Variants in DEPDC5 observed in about 807,000 individuals in gnomAD.
DEPDC5 encodes DEP domain containing 5, GATOR1 subcomplex subunit.
Under a neutral mutation model 217.3 loss-of-function variants are expected in DEPDC5, and 73 were observed. That is an observed-to-expected ratio of 0.34 (90% CI 0.28 to 0.41). The LOEUF (loss-of-function observed/expected upper bound fraction) is 0.41, where lower values mean the gene tolerates loss of function less well. Ranked by LOEUF, DEPDC5 falls within the 10% of genes least tolerant of loss-of-function variation. DEPDC5 has a pLI of 1.00. For synonymous variants in DEPDC5, 733 were observed against 756.7 expected (o/e 0.97, Z 0.51); for missense variants, 1,675 against 2,070.1 (o/e 0.81, Z 3.70).
chr22:31,881,351 C>T (rs1478808151), intron 38 of DEPDC5, among the ~76,000 whole-genome samples: 1 of 151,410 alleles, frequency 6.6e-6, no homozygotes, highest in Non-Finnish European at 1.5e-5. Context: ...GTGTGGCTCA[C>T]TCCAGCATTG....
chr22:31,881,375 G>T (rs1602695755), intron 38 of DEPDC5, among the ~76,000 whole-genome samples: 1 of 152,012 alleles, frequency 6.6e-6, no homozygotes, highest in African/African-American at 2.4e-5. Context: ...GTTGCTGTGT[G>T]TGAGAAGTGA....
Position 31,766,565 on chromosome 22 carries a change from C to A in DEPDC5, c.280-20C>A, listed in dbSNP as rs931125400. ...TGTGGCAAAGTAATGTCAGAGATAT[C>A]ATTTGATTATTCCTTTTAGGATGTG... On this transcript the variant is annotated intron_variant, in intron 5 of 42. Coordinates refer to ENST00000651528, the MANE Select transcript of DEPDC5 (RefSeq NM_001242896.3). The A allele has an allele frequency of 6.2e-7, 1 of 1,608,716 alleles. No homozygotes were observed.
chr22:31,794,530 G>C (rs909237604), intron 12 of DEPDC5, among the ~76,000 whole-genome samples: 3 of 152,066 alleles, frequency 2.0e-5, no homozygotes, highest in African/African-American at 7.2e-5. Flanking sequence ...ACGTTTTTTA[G>C]ATTGAGAGAA....
intron 7 of DEPDC5, among the ~76,000 whole-genome samples, chr22:31,777,264 GTT>G (rs371773869): frequency 2.5e-5 from 3 of 117,792 alleles, no homozygotes; most frequent in African/African-American, 3.1e-5. Flanking sequence ...CTGGCCCTAA[GTT>G]TTTTTTTTTT....
chr22:31,856,686 A>G (rs922481347), intron 31 of DEPDC5, among the ~76,000 whole-genome samples: 2 of 152,204 alleles, frequency 1.3e-5, no homozygotes, highest in African/African-American at 4.8e-5. Context: ...AGCTATGTAC[A>G]TTTGAAAGAT....
intron 21 of DEPDC5, chr22:31,817,116 C>CT (rs368325021): frequency 0.016 from 2,547 of 155,626 alleles, 18 homozygotes; most frequent in South Asian, 0.025. Flanking sequence ...TTCTTTCTTT[C>CT]TTTTTTTTTT....
intron 39 of DEPDC5, among the ~76,000 whole-genome samples, chr22:31,896,282 A>G (rs755822303): frequency 9.9e-5 from 15 of 152,252 alleles, no homozygotes; most frequent in Admixed American, 6.5e-5. Flanking sequence ...TTATTGAGAC[A>G]AATACTACAT....
At chr22:31,879,043 AATATAT>A (rs1555918454) in intron 37 of DEPDC5, among the ~76,000 whole-genome samples, 66 of 119,380 alleles carry the variant, frequency 5.5e-4, no homozygotes, top group Admixed American at 1.2e-3. Flanking sequence ...AAAAAAAAAA[AATATAT>A]ATATATATAT....
intron 21 of DEPDC5, chr22:31,817,606 A>G (rs2148788987): frequency 5.1e-6 from 1 of 197,708 alleles, no homozygotes; most frequent in Non-Finnish European, 1.0e-5. Flanking sequence ...CTCCCACTTC[A>G]GCCTCCCAAA....
chr22:31,818,899 T>C, intron 21 of DEPDC5, 123 bp from the exon 22 acceptor site: 1 of 946,552 alleles, frequency 1.1e-6, no homozygotes, highest in Non-Finnish European at 1.6e-6. Context: ...CTCATTTCTC[T>C]CACTCCCTGA....
rs377139782 is a variant in DEPDC5 at position 31,845,126 on chromosome 22, G to A, written c.2910G>A (p.Gly970=). 21 of 1,614,066 alleles carry A rather than the reference G, an allele frequency of 1.3e-5. No homozygotes were observed. In the African/African-American group the frequency reaches 2.5e-4, roughly 19 times the overall value. Residue 970 remains glycine (G), a synonymous_variant, in exon 30 of 43, where the codon GGG becomes GGA. Coordinates refer to ENST00000651528, the MANE Select transcript of DEPDC5 (RefSeq NM_001242896.3). ...GGGAGGCCCACTGCGACATCTATGGGGACAGGCCCCGTGCAGACGAGGACG... is the reference window on the plus strand; with the variant it reads ...GGGAGGCCCACTGCGACATCTATGGAGACAGGCCCCGTGCAGACGAGGACG... ...TEGEAHCDIY[G]DRPRADEDEW...
chr22:31,835,729 T>G (rs2090945428), intron 25 of DEPDC5, among the ~76,000 whole-genome samples: 1 of 152,216 alleles, frequency 6.6e-6, no homozygotes, highest in South Asian at 2.1e-4. Flanking sequence ...GATGATTAAT[T>G]AGGCTATTCG....
In DEPDC5 at chr22:31,784,594, T is replaced by C. The variant is rs553664231; in HGVS notation, c.563-220T>C. The C allele has an allele frequency of 1.5e-4, 65 of 429,188 alleles. 1 individual carries two copies. In the East Asian group the frequency reaches 2.8e-3, roughly 19 times the overall value. 26.6% of individuals were successfully genotyped at this position (429,188 alleles called of 1,614,324 possible). On this transcript the variant is annotated intron_variant, in intron 9 of 42. Coordinates refer to ENST00000651528, the MANE Select transcript of DEPDC5 (RefSeq NM_001242896.3). ...AGTATCATGCCACTGCATTCCAGCC[T>C]GGGAGACAAAGTGAGACTCCCATCT...
intron 25 of DEPDC5, among the ~76,000 whole-genome samples, chr22:31,835,565 C>A (rs938731514): frequency 4.6e-5 from 7 of 152,204 alleles, no homozygotes; most frequent in Admixed American, 3.3e-4. Flanking sequence ...GGTCAGAAGG[C>A]TGATGATGGC....
At position 31,843,708 on chromosome 22, in the gene DEPDC5, A is replaced by G. The variant is rs895836906; in HGVS notation, c.2697A>G (p.Ser899=). The G allele has an allele frequency of 1.2e-6, 2 of 1,613,934 alleles. No homozygotes were observed. Among genetic ancestry groups the G allele is most frequent in the South Asian group, 1.1e-5 (1 of 91,080 alleles). The change falls in exon 29 of 43, where the codon TCA becomes TCG. Residue 899 remains serine (S), a synonymous_variant. Transcript: ENST00000651528. The stretch of plus-strand genomic sequence containing the variant: ...GCCTCTGTCCTTCCCACTCAGACTC[A>G]GAGTTCGTCTCCTGCTGGGTGGAAT... ...TYSLCPSHSD[S]EFVSCWVEFS... is the part of the protein sequence containing the mutation.
intron 38 of DEPDC5, among the ~76,000 whole-genome samples, chr22:31,889,943 T>C (rs2093404584): frequency 6.6e-6 from 1 of 152,186 alleles, no homozygotes. Context: ...CCAAGTTCTT[T>C]AGCCTTAAAT....
intron 30 of DEPDC5, among the ~76,000 whole-genome samples, chr22:31,846,020 T>TGTA (rs1485501534): frequency 6.6e-6 from 1 of 152,096 alleles, no homozygotes; most frequent in Non-Finnish European, 1.5e-5. Flanking sequence ...TTGTATTTTT[T>TGTA]GTAGAGATGG....
intron 20 of DEPDC5, 94 bp downstream of exon 20, chr22:31,810,735 CTTGTTTTGTT>C (rs966696064): frequency 1.9e-6 from 3 of 1,542,656 alleles, no homozygotes; most frequent in East Asian, 2.3e-5. Context: ...CCTTGAAAAT[CTTGTTTTGTT>C]TTGTTTTGTT....
In DEPDC5 at chr22:31,906,457, G is replaced by A; in HGVS notation, c.4772G>A (p.Trp1591Ter). 1 of 1,613,998 alleles carries A rather than the reference G, an allele frequency of 6.2e-7. No homozygotes were observed. Among genetic ancestry groups the A allele is most frequent in the Non-Finnish European group, 8.5e-7 (1 of 1,180,042 alleles). The change falls in exon 43 of 43, where the codon TGG (tryptophan) becomes TAG (stop). Residue 1591 changes from tryptophan to a stop codon, truncating the protein, a stop_gained. Coordinates refer to ENST00000651528, the MANE Select transcript of DEPDC5 (RefSeq NM_001242896.3). LOFTEE classifies it high-confidence loss of function. The surrounding 1 kb of genome is among the most constrained non-coding windows in gnomAD (Gnocchi z 5.1). ...CGTGACAACCGGCTGGTCACGTTCT[G>A]GACAAGTTGCCTGGAGAAGATGCAT... ...INRDNRLVTFWTSCLEKMHAS... is the reference protein window; with the variant it reads ...INRDNRLVTF
Sources: allele counts gnomAD v4.1 joint callset (sites outside exome capture counted in the v4.1 genomes callset), GRCh38; gene constraint gnomAD v4.1.1; non-coding constraint Gnocchi (gnomAD v3.1); transcripts MANE v1.5; gene names NCBI Gene and HGNC (gene_info 2026-07-23, HGNC 2026-07-21).